Variants in CPE observed in about 807,000 individuals in gnomAD.
CPE encodes carboxypeptidase E.
Under a neutral mutation model 53.5 loss-of-function variants are expected in CPE, and 17 were observed. The observed-to-expected ratio is 0.32, with a 90% CI of 0.22 to 0.48. CPE has a LOEUF of 0.48. Among genes scored for constraint, CPE ranks in the 20% least tolerant of loss-of-function variants. CPE has a pLI of 0.99. For missense variants in CPE, 524 were observed against 614.7 expected, an observed-to-expected ratio of 0.85 and a Z score of 1.56; for synonymous variants, 226 against 228.8, an observed-to-expected ratio of 0.99 and a Z score of 0.11.
chr4:165,467,702 G>A lies in CPE; in HGVS notation c.519G>A (p.Lys173=). ...TTTTTTTTTAGCCTGGTGAACTCAA[G>A]GACTGGTTTGTGGGTCGAAGCAATG... ...EKAASQPGEL[K]DWFVGRSNAQ... Residue 173 remains lysine (K), a synonymous_variant, in exon 3 of 9, where the codon AAG becomes AAA. Transcript: ENST00000402744. 6.2e-7 allele frequency: 1 copy of A among 1,600,570 alleles called. No individual in the cohort carries two copies. Among genetic ancestry groups the A allele is most frequent in the African/African-American group, 1.3e-5 (1 of 74,134 alleles).
intron 1 of CPE, among the ~76,000 whole-genome samples, chr4:165,451,932 T>G (rs934552108): frequency 4.9e-5 from 7 of 142,606 alleles, no homozygotes; most frequent in East Asian, 4.0e-4. Context: ...CCAACCCCCG[T>G]TTTTTTTTTC....
At position 165,498,130 on chromosome 4, in the gene CPE, G is replaced by A. The variant is rs538588470; in HGVS notation, c.*520G>A. The A allele has an allele frequency of 6.6e-6, 1 of 152,262 alleles. No individual in the cohort carries two copies. The highest frequency in any genetic ancestry group is 1.5e-5 in the Non-Finnish European group (1 of 68,018). The allele number at this position is 152,262 out of a possible 1,614,324, so 9.4% of individuals were successfully genotyped here. On this transcript the variant is annotated 3_prime_UTR_variant, in exon 9 of 9. Transcript: ENST00000402744. ...GATCTTGTTAATGCATTTTTGATGG[G>A]AAGAAAAGGTACATGTTTACAAAGA... is the stretch of plus-strand genomic sequence containing the variant.
intron 6 of CPE, among the ~76,000 whole-genome samples, chr4:165,492,796 C>T (rs77272474): frequency 0.01 from 1,538 of 152,274 alleles, 24 homozygotes; most frequent in African/African-American, 0.035. Flanking sequence ...CAGGGTGTGG[C>T]CCCGGGCTGC....
rs139107170 is a variant in CPE, at chr4:165,410,944, C to T, written c.307+31416C>T. On this transcript the variant is annotated intron_variant, in intron 1 of 8. Transcript: ENST00000402744. ...TAGCAGAAAGCTGGGTTTCAGGGGA[C>T]GTCAAAGGTAATTTCATGACTATAT... Among the ~76,000 whole-genome samples, 376 of 151,876 alleles carry T rather than the reference C, an allele frequency of 2.5e-3. 2 individuals are homozygous for T. The highest frequency in any genetic ancestry group is 8.1e-3 in the African/African-American group (334 of 41,396).
At chr4:165,433,584 C>T (rs1003737149) in intron 1 of CPE, among the ~76,000 whole-genome samples, 23 of 152,202 alleles carry the variant, frequency 1.5e-4, no homozygotes, top group African/African-American at 5.3e-4. Flanking sequence ...GCCGGCCATA[C>T]GGTCTCTGTC....
intron 1 of CPE, among the ~76,000 whole-genome samples, chr4:165,461,166 CA>C (rs1173022270): frequency 0.07 from 3,111 of 44,204 alleles, 60 homozygotes; most frequent in Middle Eastern, 0.11. Context: ...GCCTCTGCCT[CA>C]AAAAAAAAAA....
chr4:165,447,743 TTTTC>T (rs1731742019), intron 1 of CPE, among the ~76,000 whole-genome samples: 1 of 152,146 alleles, frequency 6.6e-6, no homozygotes, highest in East Asian at 1.9e-4. Context: ...TACAAAAATC[TTTTC>T]TTTCTCTTAT....
chr4:165,448,872 G>A (rs1731761377), intron 1 of CPE, among the ~76,000 whole-genome samples: 1 of 152,208 alleles, frequency 6.6e-6, no homozygotes, highest in African/African-American at 2.4e-5. Context: ...GGGTAGTGAT[G>A]TTCTTTGGTT....
At chr4:165,487,955 T>C (rs1403974796) in intron 6 of CPE, among the ~76,000 whole-genome samples, 2 of 152,112 alleles carry the variant, frequency 1.3e-5, no homozygotes, top group African/African-American at 4.8e-5. Flanking sequence ...AGGATTTTAA[T>C]CTTAGGGGCA....
chr4:165,445,032 C>A (rs1579264645), intron 1 of CPE, among the ~76,000 whole-genome samples: 1 of 152,118 alleles, frequency 6.6e-6, no homozygotes, highest in African/African-American at 2.4e-5. Flanking sequence ...ACTTGGCTTA[C>A]TGCAACCTCT....
At chr4:165,380,489 A>T (rs1183209323) in intron 1 of CPE, among the ~76,000 whole-genome samples, 1 of 152,214 alleles carries the variant, frequency 6.6e-6, no homozygotes, top group African/African-American at 2.4e-5. Context: ...GTTTCTGCTT[A>T]GGAAATAATT....
intron 1 of CPE, among the ~76,000 whole-genome samples, chr4:165,421,902 C>A (rs942477700): frequency 6.6e-6 from 1 of 151,984 alleles, no homozygotes; most frequent in African/African-American, 2.4e-5. Context: ...TTAATTATTT[C>A]TGTTTTTTAA....
chr4:165,386,270 C>T (rs201912126), intron 1 of CPE: 7 of 518,142 alleles, frequency 1.4e-5, no homozygotes, highest in East Asian at 5.7e-5. Context: ...AATACAATCC[C>T]GGACAACAAG....
chr4:165,393,647 T>C (rs1046856072), intron 1 of CPE, among the ~76,000 whole-genome samples: 1 of 152,186 alleles, frequency 6.6e-6, no homozygotes, highest in Non-Finnish European at 1.5e-5. Context: ...ATGTACACAG[T>C]TGGAGAAATG....
Position 165,446,086 on chromosome 4 carries a change from A to G in CPE, c.308-18304A>G, listed in dbSNP as rs553521164. 4.6e-5 allele frequency among the ~76,000 whole-genome samples: 7 copies of G among 152,294 alleles called. 1 individual carries two copies. In the Middle Eastern group the frequency reaches 0.017, roughly 370 times the overall value. The stretch of plus-strand genomic sequence containing the variant: ...CAAATTCACACCATGTATATATAAA[A>G]TATACATGTGAGGTGGAATAAATAC... On this transcript the variant is annotated intron_variant, in intron 1 of 8. Transcript: ENST00000402744.
At chr4:165,469,414 C>T (rs1183820425) in intron 3 of CPE, among the ~76,000 whole-genome samples, 4 of 152,124 alleles carry the variant, frequency 2.6e-5, no homozygotes, top group African/African-American at 7.2e-5. Context: ...TGGAAGCTGC[C>T]GGCTGGTTTA....
Position 165,379,195 on chromosome 4 carries a change from C to T in CPE, c.-27C>T, listed in dbSNP as rs1363285769. On this transcript the variant is annotated 5_prime_UTR_variant, in exon 1 of 9. Transcript: ENST00000402744. This position sits in a 1 kb window ranked among gnomAD's most constrained non-coding sequence, Gnocchi z 6.0. ...AAAAGAGGCCGCCCGCGTAGGAAGG[C>T]ACGGCCGGCGGCGGCGGAGCGCAGC... 2 of 1,223,910 alleles carry T rather than the reference C, an allele frequency of 1.6e-6. No individual in the cohort carries two copies. Among genetic ancestry groups the T allele is most frequent in the Non-Finnish European group, 2.0e-6 (2 of 984,708 alleles). 75.8% of individuals were successfully genotyped at this position (1,223,910 alleles called of 1,614,324 possible).
intron 1 of CPE, among the ~76,000 whole-genome samples, chr4:165,425,887 G>A (rs1731309184): frequency 6.6e-6 from 1 of 152,180 alleles, no homozygotes; most frequent in African/African-American, 2.4e-5. Context: ...GCACCAGGCA[G>A]CCTCTCACAA....
chr4:165,490,493 C>T (rs748854413), intron 6 of CPE, among the ~76,000 whole-genome samples: 2 of 151,784 alleles, frequency 1.3e-5, no homozygotes, highest in East Asian at 1.9e-4. Flanking sequence ...ATTAGCCGGG[C>T]GTGGTGGCAT....
Sources: gnomAD v4.1 joint callset for allele counts (sites outside exome capture counted in the v4.1 genomes callset) on GRCh38, gnomAD v4.1.1 for gene constraint, Gnocchi (gnomAD v3.1) non-coding constraint, MANE v1.5 for transcripts, NCBI Gene and HGNC (gene_info 2026-07-23, HGNC 2026-07-21) for gene names.